ROBO2: variants seen among roughly 807,000 people sequenced by gnomAD.
ROBO2 encodes the protein roundabout homolog 2.
Under a neutral mutation model 160.8 loss-of-function variants are expected in ROBO2, and 53 were observed. The observed-to-expected ratio is 0.33, with a 90% CI of 0.26 to 0.41. The LOEUF is 0.41. Ranked by LOEUF, ROBO2 falls within the 10% of genes least tolerant of loss-of-function variation. The pLI is 1.00. For missense variants in ROBO2, 1,577 were observed against 1,722.4 expected (o/e 0.92, Z 1.49); for synonymous variants, 664 against 611.7 (o/e 1.09, Z -1.26).
chr3:77,437,187 G>T (rs1000007204), intron 2 of ROBO2, among the ~76,000 whole-genome samples: 8 of 152,068 alleles, frequency 5.3e-5, no homozygotes, highest in African/African-American at 1.9e-4. Context: ...CATAAAGCCA[G>T]TTCACCATTC....
At chr3:75,974,649 T>C (rs1468159698) in intron 2 of ROBO2, among the ~76,000 whole-genome samples, 1 of 151,652 alleles carries the variant, frequency 6.6e-6, no homozygotes, top group Non-Finnish European at 1.5e-5. Flanking sequence ...ATTTTACTGT[T>C]AGCAGTTATT....
chr3:77,267,688 A>G (rs999772676), intron 2 of ROBO2, among the ~76,000 whole-genome samples: 1 of 152,142 alleles, frequency 6.6e-6, no homozygotes, highest in Admixed American at 6.5e-5. Flanking sequence ...TGGCTACAGG[A>G]GAGTAGTAAT....
At chr3:76,753,467 C>T (rs1027562004) in intron 2 of ROBO2, among the ~76,000 whole-genome samples, 15 of 151,668 alleles carry the variant, frequency 9.9e-5, no homozygotes, top group African/African-American at 3.1e-4. Context: ...AAATATACAT[C>T]CACAGTATGC....
intron 6 of ROBO2, among the ~76,000 whole-genome samples, chr3:77,526,490 T>C (rs1443710664): frequency 6.6e-6 from 1 of 151,574 alleles, no homozygotes; most frequent in Non-Finnish European, 1.5e-5. Flanking sequence ...AGCATATTGT[T>C]TCTTCATTTG....
chr3:76,087,715 C>T (rs1385871971), intron 2 of ROBO2, among the ~76,000 whole-genome samples: 1 of 151,872 alleles, frequency 6.6e-6, no homozygotes, highest in Non-Finnish European at 1.5e-5. Flanking sequence ...ATATATATGG[C>T]TAAGTGTAAA....
At chr3:76,949,128 C>A (rs2078801710) in intron 2 of ROBO2, among the ~76,000 whole-genome samples, 2 of 151,004 alleles carry the variant, frequency 1.3e-5, no homozygotes, top group Admixed American at 1.3e-4. Flanking sequence ...TCCTTGTATT[C>A]CCCTAAATAT....
intron 2 of ROBO2, among the ~76,000 whole-genome samples, chr3:77,189,619 A>G (rs1163518280): frequency 6.6e-6 from 1 of 151,942 alleles, no homozygotes; most frequent in Non-Finnish European, 1.5e-5. Flanking sequence ...GGTCTTTAGA[A>G]TATGATGTTT....
intron 2 of ROBO2, among the ~76,000 whole-genome samples, chr3:76,454,439 A>C (rs1357195248): frequency 6.6e-6 from 1 of 152,184 alleles, no homozygotes; most frequent in East Asian, 1.9e-4. Context: ...AAATCCAGGC[A>C]TCTGCTCAAC....
chr3:77,269,664 C>T (rs34123900), intron 2 of ROBO2, among the ~76,000 whole-genome samples: 4 of 152,082 alleles, frequency 2.6e-5, no homozygotes, highest in Admixed American at 6.6e-5. Context: ...CATGTTAAAG[C>T]ATAAATTACC....
At chr3:77,288,704 A>G (rs2060793876) in intron 2 of ROBO2, among the ~76,000 whole-genome samples, 1 of 152,168 alleles carries the variant, frequency 6.6e-6, no homozygotes, top group African/African-American at 2.4e-5. Flanking sequence ...CATTAACAGA[A>G]TGTGTTACAA....
chr3:77,382,914 T>A (rs1011833858), intron 2 of ROBO2, among the ~76,000 whole-genome samples: 3 of 152,220 alleles, frequency 2.0e-5, no homozygotes, highest in Non-Finnish European at 2.9e-5. Flanking sequence ...CTATTTGTAA[T>A]GTTTCATTCC....
At chr3:77,323,911 TGAG>T (rs1179290401) in intron 2 of ROBO2, among the ~76,000 whole-genome samples, 1 of 152,224 alleles carries the variant, frequency 6.6e-6, no homozygotes, top group African/African-American at 2.4e-5. Context: ...CATGTTTTTC[TGAG>T]TACTTTTTTT....
intron 2 of ROBO2, among the ~76,000 whole-genome samples, chr3:76,173,554 T>A (rs1325170444): frequency 1.3e-5 from 2 of 151,858 alleles, no homozygotes; most frequent in Non-Finnish European, 2.9e-5. Flanking sequence ...GATATTCCGC[T>A]TCCTGTGTCC....
intron 2 of ROBO2, among the ~76,000 whole-genome samples, chr3:76,393,947 GA>G (rs978302739): frequency 6.6e-6 from 1 of 152,072 alleles, no homozygotes; most frequent in African/African-American, 2.4e-5. Context: ...TAGAGGGAAA[GA>G]AAAATAAAAA....
chr3:76,904,330 A>G (rs1325566070), intron 2 of ROBO2, among the ~76,000 whole-genome samples: 2 of 152,170 alleles, frequency 1.3e-5, no homozygotes, highest in African/African-American at 4.8e-5. Flanking sequence ...GGTTTATAGA[A>G]AAAGCTGTTC....
intron 2 of ROBO2, among the ~76,000 whole-genome samples, chr3:76,999,497 T>C (rs954839143): frequency 1.3e-5 from 2 of 152,166 alleles, no homozygotes; most frequent in African/African-American, 4.8e-5. Context: ...TCAAATTCTT[T>C]TGGTGTAGGA....
chr3:76,890,720 A>T (rs2074284438), intron 2 of ROBO2, among the ~76,000 whole-genome samples: 1 of 152,216 alleles, frequency 6.6e-6, no homozygotes, highest in Non-Finnish European at 1.5e-5. Flanking sequence ...CACTCCAACT[A>T]GTAACAATGC....
At chr3:75,945,421 C>A (rs72888438) in intron 2 of ROBO2, among the ~76,000 whole-genome samples, 1 of 151,936 alleles carries the variant, frequency 6.6e-6, no homozygotes, top group African/African-American at 2.4e-5. Context: ...AGAATAGAGG[C>A]GAAGAAGTAG....
chr3:76,199,876 T>C (rs1340871805), intron 2 of ROBO2, among the ~76,000 whole-genome samples: 2 of 152,162 alleles, frequency 1.3e-5, no homozygotes, highest in Non-Finnish European at 2.9e-5. Flanking sequence ...ATAAAGTTTC[T>C]TTACTCACTG....
Sources: gnomAD v4.1 joint callset for allele counts (sites outside exome capture counted in the v4.1 genomes callset) on GRCh38, gnomAD v4.1.1 for gene constraint, MANE v1.5 for transcripts, NCBI Gene and HGNC (gene_info 2026-07-23, HGNC 2026-07-21) for gene names.